The following DNAI3 variants were observed in gnomAD, a reference collection of about 807,000 sequenced individuals.
DNAI3 encodes dynein axonemal intermediate chain 3, also known as WD repeat domain 63.
A neutral mutation model predicts 115.5 loss-of-function variants in DNAI3; 83 were observed. That is an observed-to-expected ratio of 0.72 (90% CI 0.60 to 0.86). The LOEUF (loss-of-function observed/expected upper bound fraction) is 0.86, where lower values mean the gene tolerates loss of function less well. DNAI3 is among the 40% of genes least tolerant of loss of function. DNAI3 has a pLI of 0.00. For synonymous variants in DNAI3, 320 were observed against 347.0 expected, an observed-to-expected ratio of 0.92 and a Z score of 0.86; for missense variants, 1,004 against 1,075.8, an observed-to-expected ratio of 0.93 and a Z score of 0.93.
intron 8 of DNAI3, 53 bp downstream of exon 8, chr1:85,090,285 A>T: frequency 2.0e-6 from 2 of 1,000,998 alleles, no homozygotes; most frequent in Non-Finnish European, 2.9e-6. Context: ...GTATATGTTT[A>T]CATAGAATAA....
At chr1:85,125,811 G>A (rs554426048) in intron 19 of DNAI3, among the ~76,000 whole-genome samples, 2 of 152,294 alleles carry the variant, frequency 1.3e-5, no homozygotes, top group South Asian at 4.1e-4. Flanking sequence ...ATGTAAGTAG[G>A]CGAAGGAGCA....
At chr1:85,067,867 G>C (rs1654144939) in intron 1 of DNAI3, among the ~76,000 whole-genome samples, 1 of 152,218 alleles carries the variant, frequency 6.6e-6, no homozygotes, top group African/African-American at 2.4e-5. Context: ...TGGAAAGAAA[G>C]GAATGCAGCC....
Position 85,085,868 on chromosome 1 carries a change from G to A in DNAI3, c.578G>A (p.Gly193Asp), listed in dbSNP as rs201244702. ...YMISRKRSEFGAPIKFSDQNA... is the reference protein window; with the variant it reads ...YMISRKRSEFDAPIKFSDQNA... ...ATTTCTCGAAAACGAAGTGAATTTG[G>A]TGCACCAATTAAGTTCAGTGACCAG... Residue 193 changes from glycine (G) to aspartate (D), a missense_variant, in exon 7 of 23, where the codon GGT becomes GAT. Physicochemically the swap from Gly to Asp is moderately conservative, Grantham distance 94. Coordinates refer to ENST00000294664, the MANE Select transcript of DNAI3 (RefSeq NM_145172.5). 1 of 1,614,084 alleles carries A rather than the reference G, an allele frequency of 6.2e-7. No homozygotes were observed. The highest frequency in any genetic ancestry group is 8.5e-7 in the Non-Finnish European group (1 of 1,180,006).
intron 9 of DNAI3, chr1:85,093,899 C>T (rs911275135): frequency 1.3e-5 from 8 of 601,640 alleles, no homozygotes; most frequent in South Asian, 1.1e-4. Context: ...GGAAGTGACT[C>T]GCCCAGGTCA....
At chr1:85,119,761 G>A (rs1254913416) in intron 17 of DNAI3, among the ~76,000 whole-genome samples, 5 of 151,594 alleles carry the variant, frequency 3.3e-5, no homozygotes, top group East Asian at 3.9e-4. Context: ...GTAGTGGCAC[G>A]ATCTCGGCTT....
intron 22 of DNAI3, among the ~76,000 whole-genome samples, chr1:85,130,650 A>G (rs891979607): frequency 2.6e-5 from 4 of 151,120 alleles, no homozygotes; most frequent in Non-Finnish European, 5.9e-5. Flanking sequence ...ATAATGATAG[A>G]TGATAGATTA....
At chr1:85,116,816 T>C (rs998232006) in intron 16 of DNAI3, among the ~76,000 whole-genome samples, 5 of 152,198 alleles carry the variant, frequency 3.3e-5, no homozygotes, top group African/African-American at 9.7e-5. Flanking sequence ...TTTGATGTCT[T>C]ACTTAGTGGG....
chr1:85,082,191 G>T (rs770807253), intron 4 of DNAI3, 109 bp from the exon 5 acceptor site: 4 of 842,720 alleles, frequency 4.7e-6, no homozygotes, highest in Non-Finnish European at 7.4e-6. Flanking sequence ...TAGCACAATG[G>T]TTATCTTCTA....
At chr1:85,086,281 T>C (rs1654799303) in intron 7 of DNAI3, among the ~76,000 whole-genome samples, 1 of 152,152 alleles carries the variant, frequency 6.6e-6, no homozygotes. Context: ...AGTGATGCTG[T>C]TTATCATGAC....
At chr1:85,107,613 A>C (rs12409882) in intron 14 of DNAI3, among the ~76,000 whole-genome samples, 1 of 152,176 alleles carries the variant, frequency 6.6e-6, no homozygotes. Context: ...AGCAACTGCT[A>C]ATCTGCATGA....
At chr1:85,119,245 A>G (rs1399434281) in intron 17 of DNAI3, among the ~76,000 whole-genome samples, 1 of 152,244 alleles carries the variant, frequency 6.6e-6, no homozygotes, top group African/African-American at 2.4e-5. Context: ...GGAAAAGTAC[A>G]TTCATATTGT....
chr1:85,101,003 A>G (rs1032382189), intron 13 of DNAI3, among the ~76,000 whole-genome samples: 20 of 152,150 alleles, frequency 1.3e-4, no homozygotes, highest in African/African-American at 3.6e-4. Flanking sequence ...GGATAGCATT[A>G]GGAGATATAC....
intron 17 of DNAI3, among the ~76,000 whole-genome samples, chr1:85,120,526 C>T (rs563968390): frequency 1.5e-3 from 236 of 152,338 alleles, no homozygotes; most frequent in Non-Finnish European, 2.8e-3. Flanking sequence ...TTGGTTCCAA[C>T]TAGTCCTCGT....
At chr1:85,089,414 A>T (rs1654901400) in intron 7 of DNAI3, among the ~76,000 whole-genome samples, 1 of 149,134 alleles carries the variant, frequency 6.7e-6, no homozygotes, top group Non-Finnish European at 1.5e-5. Flanking sequence ...CTTGAGATTG[A>T]TAAAGCCCAG....
rs544921040 is a variant in DNAI3 at position 85,067,210 on chromosome 1, A to G, written c.-14-4718A>G. Among the ~76,000 whole-genome samples, 4 of 152,342 alleles carry G rather than the reference A, an allele frequency of 2.6e-5. No individual in the cohort carries two copies. The South Asian group carries it at 6.2e-4, about 24-fold the overall frequency. On this transcript the variant is annotated intron_variant, in intron 1 of 22. Transcript: ENST00000294664. ...ATATTATGCTTTTTAGTGAAGAAGA[A>G]TTAAGACCCCTAAAAGCCTTTAGAA... is the stretch of plus-strand genomic sequence containing the variant.
rs148724953 is a variant in DNAI3, at chr1:85,071,948, C to T, written c.7C>T (p.Pro3Ser). Reference protein sequence around the residue: MAPKQKKKTSRGK... With the variant: MASKQKKKTSRGK... ...TGCAGCCCAAGTCAGAACCATGGCT[C>T]CAAAACAAAAGAAAAAGACATCACG... Residue 3 changes from proline to serine, a missense_variant, in exon 2 of 23, where the codon CCA (proline) becomes TCA (serine). Pro to Ser is a moderately conservative substitution (Grantham distance 74, BLOSUM62 -1). Transcript: ENST00000294664. 1 of 1,611,470 alleles carries T rather than the reference C, an allele frequency of 6.2e-7. No individual in the cohort carries two copies. Among genetic ancestry groups the T allele is most frequent in the South Asian group, 1.1e-5 (1 of 90,180 alleles).
chr1:85,104,542 G>A lies in DNAI3; in HGVS notation c.1498G>A (p.Val500Ile), dbSNP rs757993232. The change falls in exon 14 of 23, where the codon GTC becomes ATC. Residue 500 changes from valine to isoleucine, a missense_variant. This residue lies in a region of DNAI3 where 25 missense variants were observed against 53.4 expected (regional missense o/e 0.47). Transcript: ENST00000294664. ...DTFEINRMGSVFENRSGICCQ... is the reference protein window; with the variant it reads ...DTFEINRMGSIFENRSGICCQ... ...AAAATAGATTAACAGAATGGGCTCCGTCTTTGAGAATCGAAGTGGAATATG... is the reference window on the plus strand; with the variant it reads ...AAAATAGATTAACAGAATGGGCTCCATCTTTGAGAATCGAAGTGGAATATG... 40 of 1,613,676 alleles carry A rather than the reference G, an allele frequency of 2.5e-5. No individual in the cohort carries two copies. Among genetic ancestry groups the A allele is most frequent in the African/African-American group, 4.0e-5 (3 of 74,940 alleles).
intron 8 of DNAI3, 90 bp downstream of exon 8, chr1:85,090,322 G>A (rs1413418720): frequency 1.7e-6 from 1 of 605,622 alleles, no homozygotes; most frequent in Non-Finnish European, 2.6e-6. Context: ...ATTCCATATA[G>A]GGTATCTAGA....
intron 3 of DNAI3, among the ~76,000 whole-genome samples, chr1:85,078,386 A>C (rs1413084487): frequency 6.6e-6 from 1 of 152,258 alleles, no homozygotes; most frequent in Non-Finnish European, 1.5e-5. Flanking sequence ...TGCCTGGAGC[A>C]GTAGGTGCAC....
Sources: allele counts gnomAD v4.1 joint callset (sites outside exome capture counted in the v4.1 genomes callset), GRCh38; gene constraint gnomAD v4.1.1; regional missense constraint gnomAD v4.1.1; transcripts MANE v1.5; gene names NCBI Gene and HGNC (gene_info 2026-07-23, HGNC 2026-07-21).